GDPD1: variants seen among roughly 807,000 people sequenced by gnomAD.
GDPD1 encodes lysophospholipase D GDPD1.
In GDPD1, 28 loss-of-function variants were observed where a neutral mutation model predicts 45.1. The observed-to-expected ratio is 0.62, with a 90% CI of 0.46 to 0.85. The LOEUF is 0.85. Among genes scored for constraint, GDPD1 ranks in the 40% least tolerant of loss-of-function variants. The pLI is 0.00. For missense variants in GDPD1, 256 were observed against 364.8 expected, an observed-to-expected ratio of 0.70 and a Z score of 2.43; for synonymous variants, 139 against 131.4, an observed-to-expected ratio of 1.06 and a Z score of -0.40.
intron 8 of GDPD1, among the ~76,000 whole-genome samples, chr17:59,271,508 ATAAT>A (rs1224024044): frequency 3.3e-5 from 5 of 152,198 alleles, no homozygotes; most frequent in African/African-American, 1.2e-4. Context: ...AAATCACTAA[ATAAT>A]TGTACTATAT....
chr17:59,235,677 C>A (rs892046638), intron 2 of GDPD1, among the ~76,000 whole-genome samples: 2 of 151,908 alleles, frequency 1.3e-5, no homozygotes, highest in Non-Finnish European at 2.9e-5. Context: ...ATTAGCTGGG[C>A]GTGGTGGCAT....
chr17:59,240,135 T>C (rs1318607316), intron 2 of GDPD1, among the ~76,000 whole-genome samples: 1 of 151,922 alleles, frequency 6.6e-6, no homozygotes, highest in African/African-American at 2.4e-5. Context: ...TACTAAAAAA[T>C]ACAAAAATTA....
At chr17:59,240,977 C>G (rs149257782) in intron 2 of GDPD1, among the ~76,000 whole-genome samples, 287 of 152,286 alleles carry the variant, frequency 1.9e-3, no homozygotes, top group African/African-American at 6.4e-3. Context: ...TAATTGTACC[C>G]TTTCTGTGTT....
At chr17:59,234,401 A>T in intron 1 of GDPD1, 91 bp from the exon 2 acceptor site, 296 of 710,926 alleles carry the variant, frequency 4.2e-4, no homozygotes, top group Non-Finnish European at 5.5e-4. Context: ...AAAAAAAAAA[A>T]GGTCAAGATT....
At chr17:59,238,001 G>T (rs1198182422) in intron 2 of GDPD1, among the ~76,000 whole-genome samples, 2 of 149,140 alleles carry the variant, frequency 1.3e-5, no homozygotes, top group Admixed American at 1.3e-4. Flanking sequence ...GGGCATGGTG[G>T]CTCATGCCTG....
intron 1 of GDPD1, among the ~76,000 whole-genome samples, chr17:59,230,175 C>A (rs941712088): frequency 1.1e-4 from 16 of 151,952 alleles, no homozygotes; most frequent in African/African-American, 3.9e-4. Context: ...ATTAGAATGA[C>A]CACTATATAT....
chr17:59,260,263 C>T (rs1434044376), intron 6 of GDPD1, among the ~76,000 whole-genome samples: 4 of 151,548 alleles, frequency 2.6e-5, no homozygotes, highest in Non-Finnish European at 4.4e-5. Flanking sequence ...ATATGTCGGC[C>T]AGGCACAGTG....
intron 1 of GDPD1, among the ~76,000 whole-genome samples, chr17:59,233,614 G>C (rs1219037026): frequency 6.6e-6 from 1 of 151,808 alleles, no homozygotes; most frequent in Admixed American, 6.6e-5. Context: ...AACTGATATA[G>C]GTATTCTGGT....
At chr17:59,244,338 C>A (rs1446464763) in intron 2 of GDPD1, among the ~76,000 whole-genome samples, 8 of 152,136 alleles carry the variant, frequency 5.3e-5, no homozygotes, top group African/African-American at 1.9e-4. Flanking sequence ...GCATTCTTCC[C>A]TTACCAGTCG....
At chr17:59,247,997 TAA>T (rs1332372119) in intron 3 of GDPD1, among the ~76,000 whole-genome samples, 1 of 151,944 alleles carries the variant, frequency 6.6e-6, no homozygotes, top group Non-Finnish European at 1.5e-5. Context: ...TAGTTATTTA[TAA>T]AGATATATAA....
intron 7 of GDPD1, among the ~76,000 whole-genome samples, chr17:59,270,383 G>T (rs564894255): frequency 2.5e-5 from 3 of 117,706 alleles, no homozygotes; most frequent in Non-Finnish European, 4.7e-5. Context: ...TAGTAGAGAC[G>T]GGGGGGGGTT....
At chr17:59,254,806 T>C (rs1369662621) in intron 4 of GDPD1, among the ~76,000 whole-genome samples, 1 of 152,208 alleles carries the variant, frequency 6.6e-6, no homozygotes, top group Non-Finnish European at 1.5e-5. Context: ...TTGTGTTAGC[T>C]TTGCTTTTAG....
At chr17:59,248,610 T>C (rs2047230323) in intron 3 of GDPD1, 130 bp from the exon 4 acceptor site, 2 of 623,504 alleles carry the variant, frequency 3.2e-6, no homozygotes, top group South Asian at 4.4e-5. Context: ...GATGTTCTGC[T>C]AAGGGTGCCT....
At chr17:59,241,531 G>A (rs1231204197) in intron 2 of GDPD1, among the ~76,000 whole-genome samples, 1 of 151,864 alleles carries the variant, frequency 6.6e-6, no homozygotes, top group East Asian at 2.0e-4. Context: ...GTTAGCCAGG[G>A]TGGTCTTGAA....
chr17:59,235,302 G>C (rs2047123346), intron 2 of GDPD1, among the ~76,000 whole-genome samples: 1 of 152,082 alleles, frequency 6.6e-6, no homozygotes, highest in Non-Finnish European at 1.5e-5. Context: ...TTGGGACTAA[G>C]AAATTTGGAG....
intron 2 of GDPD1, among the ~76,000 whole-genome samples, chr17:59,235,988 ACACT>A (rs1848485332): frequency 6.6e-6 from 1 of 152,174 alleles, no homozygotes; most frequent in African/African-American, 2.4e-5. Flanking sequence ...ACATATACAC[ACACT>A]ATCATATATC....
intron 6 of GDPD1, among the ~76,000 whole-genome samples, chr17:59,263,283 C>T (rs2147901382): frequency 6.6e-6 from 1 of 152,166 alleles, no homozygotes; most frequent in South Asian, 2.1e-4. Flanking sequence ...CCTCTTGTCT[C>T]ATTCTCCCAA....
At chr17:59,254,502 C>G (rs1350462418) in intron 4 of GDPD1, among the ~76,000 whole-genome samples, 1 of 152,026 alleles carries the variant, frequency 6.6e-6, no homozygotes, top group Non-Finnish European at 1.5e-5. Flanking sequence ...TGCACTCCAG[C>G]CTGGGTGACA....
At chr17:59,232,385 G>A (rs2047097906) in intron 1 of GDPD1, among the ~76,000 whole-genome samples, 2 of 151,848 alleles carry the variant, frequency 1.3e-5, no homozygotes, top group South Asian at 4.1e-4. Flanking sequence ...GGGAGGCGGA[G>A]GTTACGTTGA....
Sources: gnomAD v4.1 joint callset for allele counts (sites outside exome capture counted in the v4.1 genomes callset) on GRCh38, gnomAD v4.1.1 for gene constraint, MANE v1.5 for transcripts, NCBI Gene and HGNC (gene_info 2026-07-23, HGNC 2026-07-21) for gene names.